OSBPL10: variants seen among roughly 807,000 people sequenced by gnomAD.
OSBPL10 encodes oxysterol-binding protein-related protein 10.
Under a neutral mutation model 81.7 loss-of-function variants are expected in OSBPL10, and 49 were observed. That is an observed-to-expected ratio of 0.60 (90% CI 0.48 to 0.76). OSBPL10 has a LOEUF of 0.76. OSBPL10 is among the 30% of genes least tolerant of loss of function. The probability of loss-of-function intolerance (pLI) is 0.00; values close to 1 mark genes in which losing one functional copy is unlikely to be tolerated. For missense variants in OSBPL10, 923 were observed against 987.8 expected (o/e 0.93, Z 0.88); for synonymous variants, 419 against 383.6 (o/e 1.09, Z -1.08).
intron 2 of OSBPL10, among the ~76,000 whole-genome samples, chr3:32,020,217 CTT>C (rs1699348837): frequency 6.6e-6 from 1 of 152,156 alleles, no homozygotes; most frequent in Non-Finnish European, 1.5e-5. Context: ...CAATTCATGA[CTT>C]TTAGAATCTG....
At chr3:32,012,841 C>A (rs1286714862) in intron 2 of OSBPL10, among the ~76,000 whole-genome samples, 7 of 151,790 alleles carry the variant, frequency 4.6e-5, no homozygotes, top group East Asian at 1.9e-4. Flanking sequence ...CAAAAGAGAC[C>A]AAGAAGGCCA....
chr3:31,728,960 C>T (rs186773347), intron 6 of OSBPL10, among the ~76,000 whole-genome samples: 19 of 152,236 alleles, frequency 1.2e-4, no homozygotes, highest in African/African-American at 4.1e-4. Context: ...AGTGTCATGT[C>T]GGCCTTTAAA....
intron 2 of OSBPL10, among the ~76,000 whole-genome samples, chr3:32,002,833 TTTTATTCCA>T (rs1449878573): frequency 6.6e-6 from 1 of 152,260 alleles, no homozygotes; most frequent in Non-Finnish European, 1.5e-5. Context: ...TGCTTTTATC[TTTTATTCCA>T]GCCTGATGAA....
rs116163743 is a variant in OSBPL10 at position 31,826,616 on chromosome 3, G to C, written c.729+3424C>G. Among the ~76,000 whole-genome samples the C allele has an allele frequency of 4.4e-3, 665 of 152,102 alleles. 5 individuals are homozygous for C. The highest frequency in any genetic ancestry group is 0.015 in the African/African-American group (627 of 41,482). The stretch of plus-strand genomic sequence containing the variant: ...TGATGATTTTCTCCATTGCTTCTGT[G>C]GTCATAAGTTTATCTTCCCTGAACA... On this transcript the variant is annotated intron_variant, in intron 4 of 11. Transcript: ENST00000396556.
At chr3:31,705,125 C>T (rs1033255611) in intron 6 of OSBPL10, among the ~76,000 whole-genome samples, 5 of 152,184 alleles carry the variant, frequency 3.3e-5, no homozygotes, top group African/African-American at 9.7e-5. Context: ...CACACTGCCC[C>T]TTGGTGGCAC....
At chr3:32,024,172 C>T (rs1699382252) in intron 2 of OSBPL10, among the ~76,000 whole-genome samples, 1 of 152,046 alleles carries the variant, frequency 6.6e-6, no homozygotes, top group Non-Finnish European at 1.5e-5. Flanking sequence ...CTTCTCAAAA[C>T]AGTTTGGGCT....
chr3:31,724,288 T>C (rs17028114), intron 6 of OSBPL10, among the ~76,000 whole-genome samples: 14,398 of 152,158 alleles, frequency 0.095, 1,687 homozygotes, highest in African/African-American at 0.28. Flanking sequence ...TGAGCTTTTT[T>C]ATATGGCTCC....
At chr3:32,011,692 A>C (rs998341868) in intron 2 of OSBPL10, among the ~76,000 whole-genome samples, 1 of 152,214 alleles carries the variant, frequency 6.6e-6, no homozygotes, top group Non-Finnish European at 1.5e-5. Flanking sequence ...AAAAACCTTG[A>C]AAAAAGATTA....
At chr3:31,769,746 C>T (rs1698320869) in intron 4 of OSBPL10, among the ~76,000 whole-genome samples, 1 of 151,954 alleles carries the variant, frequency 6.6e-6, no homozygotes, top group Admixed American at 6.6e-5. Context: ...ACTAAGGAAC[C>T]CCACCTCACC....
chr3:31,753,214 T>A (rs1336133713), intron 4 of OSBPL10, among the ~76,000 whole-genome samples: 10 of 150,940 alleles, frequency 6.6e-5, no homozygotes, highest in Non-Finnish European at 8.8e-5. Flanking sequence ...TAGACAGAGT[T>A]TCAATCTTTA....
At chr3:31,766,280 C>T (rs924466385) in intron 4 of OSBPL10, among the ~76,000 whole-genome samples, 12 of 150,610 alleles carry the variant, frequency 8.0e-5, no homozygotes, top group Admixed American at 2.0e-4. Flanking sequence ...AACATAGGGT[C>T]TTCCCTCTGC....
intron 6 of OSBPL10, among the ~76,000 whole-genome samples, chr3:31,722,208 T>C (rs900782534): frequency 2.6e-5 from 4 of 152,230 alleles, no homozygotes; most frequent in Admixed American, 2.0e-4. Context: ...GTTTTCATTA[T>C]GATTTTGTAC....
At chr3:31,998,827 G>C (rs548620448) in intron 2 of OSBPL10, among the ~76,000 whole-genome samples, 2 of 152,194 alleles carry the variant, frequency 1.3e-5, no homozygotes, top group South Asian at 4.2e-4. Flanking sequence ...TGGTAGATCT[G>C]CACCATTAAT....
chr3:31,709,222 G>C (rs533259382), intron 6 of OSBPL10: 6 of 184,694 alleles, frequency 3.2e-5, no homozygotes, highest in Non-Finnish European at 6.1e-5. Flanking sequence ...TCCTCCTGCC[G>C]CCTCCCAGGG....
chr3:31,924,006 C>T (rs1031489328), intron 1 of OSBPL10, among the ~76,000 whole-genome samples: 4 of 152,054 alleles, frequency 2.6e-5, no homozygotes, highest in African/African-American at 4.8e-5. Context: ...ATCAGAAGGT[C>T]GGGAGTTCAA....
chr3:31,967,899 T>G (rs1292041644), intron 1 of OSBPL10, among the ~76,000 whole-genome samples: 1 of 152,222 alleles, frequency 6.6e-6, no homozygotes, highest in African/African-American at 2.4e-5. Context: ...GCAAATTGGA[T>G]AATGTTTATT....
chr3:31,958,476 T>G (rs1698069497), intron 1 of OSBPL10, among the ~76,000 whole-genome samples: 2 of 152,126 alleles, frequency 1.3e-5, no homozygotes, highest in East Asian at 3.8e-4. Flanking sequence ...CATCAGGACT[T>G]CACAGAGGTA....
chr3:31,926,700 A>G (rs1005671542), intron 1 of OSBPL10, among the ~76,000 whole-genome samples: 1 of 152,200 alleles, frequency 6.6e-6, no homozygotes, highest in Non-Finnish European at 1.5e-5. Flanking sequence ...AGGGCTACAC[A>G]GGGTGCTTTG....
In OSBPL10 at chr3:31,916,051, G is replaced by T. The variant is rs963574926; in HGVS notation, c.282-36221C>A. ...GTGGAGGTTGCAGTGAGCCAAGATCGCACCATTGCACTCCAGCCTGGGTGA... is the reference window on the plus strand; with the variant it reads ...GTGGAGGTTGCAGTGAGCCAAGATCTCACCATTGCACTCCAGCCTGGGTGA... On this transcript the variant is annotated intron_variant, in intron 1 of 11. Coordinates refer to ENST00000396556, the MANE Select transcript of OSBPL10 (RefSeq NM_017784.5). Among the ~76,000 whole-genome samples the T allele has an allele frequency of 2.1e-5, 3 of 144,002 alleles. No homozygotes were observed. In the East Asian group the frequency reaches 6.1e-4, roughly 29 times the overall value. 94.5% of individuals were successfully genotyped at this position (144,002 alleles called of 152,430 possible). A position where few individuals can be genotyped will look rare whatever the true frequency, so the allele number is the denominator to read the frequency against.
Sources: gnomAD v4.1 joint callset for allele counts (sites outside exome capture counted in the v4.1 genomes callset) on GRCh38, gnomAD v4.1.1 for gene constraint, MANE v1.5 for transcripts, NCBI Gene and HGNC (gene_info 2026-07-23, HGNC 2026-07-21) for gene names.